The following ME3 variants were observed in gnomAD, a reference collection of about 807,000 sequenced individuals.
ME3 encodes the protein malic enzyme 3.
ME3 carries 48 observed loss-of-function variants against 68.9 expected under a neutral mutation model. That is an observed-to-expected ratio of 0.70 (90% confidence interval 0.55 to 0.89). ME3 has a LOEUF of 0.89. ME3 is among the 40% of genes least tolerant of loss of function. The pLI, the probability that ME3 is intolerant of heterozygous loss-of-function variation, is 0.00. For synonymous variants in ME3, 320 were observed against 318.8 expected (o/e 1.00, Z -0.04); for missense variants, 675 against 797.4 (o/e 0.85, Z 1.85).
At chr11:86,641,037 G>GGA (rs1944638108) in intron 2 of ME3, among the ~76,000 whole-genome samples, 1 of 15,898 alleles carries the variant, frequency 6.3e-5, no homozygotes, top group Non-Finnish European at 3.7e-4. Context: ...CAATTTCACT[G>GGA]GGGGGGGGGG....
intron 2 of ME3, among the ~76,000 whole-genome samples, chr11:86,593,012 C>G (rs10400291): frequency 1.3e-5 from 2 of 151,986 alleles, no homozygotes; most frequent in Non-Finnish European, 2.9e-5. Flanking sequence ...GAAATGCAGA[C>G]CCCTCTGCAT....
chr11:86,655,942 A>G (rs1221088393), intron 2 of ME3, among the ~76,000 whole-genome samples: 1 of 152,064 alleles, frequency 6.6e-6, no homozygotes. Context: ...GGCCAAGGAC[A>G]TGAACAGACA....
chr11:86,576,895 C>T (rs1958147662), intron 2 of ME3, among the ~76,000 whole-genome samples: 1 of 152,172 alleles, frequency 6.6e-6, no homozygotes, highest in Admixed American at 6.5e-5. Flanking sequence ...CCTTAGCTGG[C>T]TCTGATTCTA....
chr11:86,635,758 C>G (rs1385080441), intron 2 of ME3, among the ~76,000 whole-genome samples: 3 of 152,308 alleles, frequency 2.0e-5, no homozygotes, highest in Non-Finnish European at 4.4e-5. Context: ...TTCTAAATTA[C>G]CTGGTCTGTG....
chr11:86,645,259 G>C lies in ME3; in HGVS notation c.183+26503C>G, dbSNP rs537872700. Among the ~76,000 whole-genome samples, 28 of 152,276 alleles carry C rather than the reference G, an allele frequency of 1.8e-4. No individual in the cohort carries two copies. In the South Asian group the frequency reaches 5.6e-3, roughly 30 times the overall value. On this transcript the variant is annotated intron_variant, in intron 2 of 14. Coordinates refer to ENST00000543262, the Ensembl canonical transcript of ME3. ...GGGGCTGAAGCCAGGGAGCCAAGTG[G>C]TCTAGCTCATCAGATCCCACCCCCA...
intron 2 of ME3, among the ~76,000 whole-genome samples, chr11:86,615,046 G>A (rs960939172): frequency 1.3e-5 from 2 of 152,158 alleles, no homozygotes; most frequent in Non-Finnish European, 2.9e-5. Context: ...ATATCACGGA[G>A]TATGAAAAAC....
chr11:86,475,874 T>TATATATATATATATAGAGAGAGAG, intron 7 of ME3, among the ~76,000 whole-genome samples: 14 of 91,450 alleles, frequency 1.5e-4, no homozygotes, highest in African/African-American at 4.5e-4. Context: ...TATATATATA[T>TATATATATATATATAGAGAGAGAG]AGAGAGAGAG....
At chr11:86,488,618 T>A (rs1951829229) in intron 6 of ME3, among the ~76,000 whole-genome samples, 1 of 152,180 alleles carries the variant, frequency 6.6e-6, no homozygotes, top group Admixed American at 6.5e-5. Context: ...GTGTGTGCGT[T>A]GGTGTGAATG....
At chr11:86,576,955 A>G (rs1958150462) in intron 2 of ME3, among the ~76,000 whole-genome samples, 1 of 152,256 alleles carries the variant, frequency 6.6e-6, no homozygotes. Flanking sequence ...CTGAATGTTA[A>G]GCTCATTATG....
chr11:86,600,693 T>C (rs1392018724), intron 2 of ME3, among the ~76,000 whole-genome samples: 2 of 151,958 alleles, frequency 1.3e-5, no homozygotes, highest in Non-Finnish European at 2.9e-5. Flanking sequence ...ATTGACCACA[T>C]AGTTGGAAGT....
Position 86,575,101 on chromosome 11 carries a change from G to A in ME3, c.184-15278C>T, listed in dbSNP as rs891658709. On this transcript the variant is annotated intron_variant, in intron 2 of 14. Transcript: ENST00000543262. ...CATAGTAAAAAAGGCATCACTCTCTGCCCTTGAAACATATCTCAAGGTCTT... is the reference window on the plus strand; with the variant it reads ...CATAGTAAAAAAGGCATCACTCTCTACCCTTGAAACATATCTCAAGGTCTT... 6.8e-5 allele frequency among the ~76,000 whole-genome samples: 10 copies of A among 146,972 alleles called. 1 individual carries two copies. Among genetic ancestry groups the A allele is most frequent in the Admixed American group, 1.3e-4 (2 of 14,956 alleles).
chr11:86,578,273 A>T (rs1048585180), intron 2 of ME3, among the ~76,000 whole-genome samples: 9 of 152,158 alleles, frequency 5.9e-5, no homozygotes, highest in African/African-American at 2.2e-4. Context: ...GCAACAAAGT[A>T]ATAGCAGAGG....
intron 2 of ME3, among the ~76,000 whole-genome samples, chr11:86,560,144 A>G (rs1161596629): frequency 6.6e-6 from 1 of 152,118 alleles, no homozygotes; most frequent in Non-Finnish European, 1.5e-5. Context: ...CCCAAATCTC[A>G]TCTTGAATTG....
intron 4 of ME3, among the ~76,000 whole-genome samples, chr11:86,537,933 C>T (rs538084659): frequency 2.0e-5 from 3 of 152,308 alleles, no homozygotes; most frequent in East Asian, 3.9e-4. Flanking sequence ...CAAGGCTCTG[C>T]CTGTGCAGGT....
chr11:86,599,421 A>G (rs564871100), intron 2 of ME3, among the ~76,000 whole-genome samples: 1 of 152,326 alleles, frequency 6.6e-6, no homozygotes, highest in African/African-American at 2.4e-5. Flanking sequence ...AAAAGAAACG[A>G]ACAAAGCCTC....
At chr11:86,573,788 A>T (rs928005947) in intron 2 of ME3, among the ~76,000 whole-genome samples, 2 of 152,178 alleles carry the variant, frequency 1.3e-5, no homozygotes, top group African/African-American at 2.4e-5. Flanking sequence ...ACCTCTTATT[A>T]TATTGAGATA....
chr11:86,548,305 A>G (rs1042535792), intron 4 of ME3, among the ~76,000 whole-genome samples: 1 of 152,256 alleles, frequency 6.6e-6, no homozygotes, highest in African/African-American at 2.4e-5. Flanking sequence ...TCTGTTCCAA[A>G]GTATTTCAGC....
intron 2 of ME3, among the ~76,000 whole-genome samples, chr11:86,636,975 A>G (rs1390054332): frequency 6.6e-6 from 1 of 152,198 alleles, no homozygotes; most frequent in Non-Finnish European, 1.5e-5. Context: ...AGAAAGTGAG[A>G]AGCCAAAGAT....
At chr11:86,626,938 A>G (rs1943701782) in intron 2 of ME3, among the ~76,000 whole-genome samples, 1 of 152,210 alleles carries the variant, frequency 6.6e-6, no homozygotes, top group Non-Finnish European at 1.5e-5. Context: ...CCTAACTGGT[A>G]TATTTTCCTT....
Sources: allele counts gnomAD v4.1 joint callset (sites outside exome capture counted in the v4.1 genomes callset), GRCh38; gene constraint gnomAD v4.1.1; transcripts MANE v1.5; gene names NCBI Gene and HGNC (gene_info 2026-07-23, HGNC 2026-07-21).